The following AMBRA1 variants were observed in gnomAD, a reference collection of about 807,000 sequenced individuals.
AMBRA1 encodes the protein autophagy and beclin 1 regulator 1, also known as activating molecule in BECN1-regulated autophagy protein 1.
AMBRA1 carries 47 observed loss-of-function variants against 125.4 expected under a neutral mutation model. That is an observed-to-expected ratio of 0.37 (90% CI 0.30 to 0.48). The LOEUF (loss-of-function observed/expected upper bound fraction) is 0.48. Ranked by LOEUF, AMBRA1 falls within the 20% of genes least tolerant of loss-of-function variation. AMBRA1 has a pLI of 0.99. For synonymous variants in AMBRA1, 626 were observed against 655.5 expected, an observed-to-expected ratio of 0.95 and a Z score of 0.69; for missense variants, 1,331 against 1,693.4, an observed-to-expected ratio of 0.79 and a Z score of 3.76.
chr11:46,583,677 A>AAAAAAAAAAC (rs1565324615), intron 1 of AMBRA1, among the ~76,000 whole-genome samples: 16 of 143,902 alleles, frequency 1.1e-4, no homozygotes, highest in African/African-American at 4.3e-4. Context: ...AAAAAAAAAA[A>AAAAAAAAAAC]AACAACAAAA....
intron 1 of AMBRA1, among the ~76,000 whole-genome samples, chr11:46,590,081 A>G (rs2044538883): frequency 6.6e-6 from 1 of 152,010 alleles, no homozygotes; most frequent in South Asian, 2.1e-4. Context: ...TATACAGTAT[A>G]AAAATGTATG....
At chr11:46,508,051 C>T in intron 9 of AMBRA1, 140 bp downstream of exon 9, 1 of 907,020 alleles carries the variant, frequency 1.1e-6, no homozygotes. Flanking sequence ...CTCTGTCCCT[C>T]ACCCCATCCT....
intron 7 of AMBRA1, among the ~76,000 whole-genome samples, chr11:46,514,240 C>T (rs373041461): frequency 2.6e-5 from 4 of 152,164 alleles, no homozygotes; most frequent in Admixed American, 6.5e-5. Context: ...TAGTCCTGTG[C>T]GGTCACTTTA....
rs1947564079 is a variant in AMBRA1, at chr11:46,433,743, G to C, written c.2822-115C>G. The C allele has an allele frequency of 5.4e-6, 6 of 1,114,830 alleles. No individual in the cohort carries two copies. The East Asian group carries it at 1.5e-4, about 29-fold the overall frequency. 69.1% of individuals were successfully genotyped at this position (1,114,830 alleles called of 1,614,324 possible). On this transcript the variant is annotated intron_variant, in intron 13 of 17. Transcript: ENST00000683756. ...ATCTTCATATTCACTTGCTCATCCT[G>C]GTGTTATCTCATAGGACTGTAGTGA...
chr11:46,486,908 CATAAATAAATAAATAAATAAATAA>C (rs56834227), intron 11 of AMBRA1, among the ~76,000 whole-genome samples: 3 of 139,252 alleles, frequency 2.2e-5, no homozygotes, highest in South Asian at 2.3e-4. Flanking sequence ...TCCATCTCAA[CATAAATAAATAAATAAATAAATAA>C]ATAAATAAAT....
chr11:46,575,539 CAG>C (rs1241406342), intron 1 of AMBRA1, among the ~76,000 whole-genome samples: 2 of 105,066 alleles, frequency 1.9e-5, no homozygotes, highest in East Asian at 5.9e-4. Context: ...TTTTTTGAGA[CAG>C]AGTCTCACTC....
At chr11:46,465,237 TCATG>T (rs1240280654) in intron 11 of AMBRA1, among the ~76,000 whole-genome samples, 1 of 152,062 alleles carries the variant, frequency 6.6e-6, no homozygotes, top group Non-Finnish European at 1.5e-5. Context: ...CAATAAAGGC[TCATG>T]CTCCTCCCTG....
At chr11:46,586,899 T>G (rs2044422691) in intron 1 of AMBRA1, among the ~76,000 whole-genome samples, 1 of 152,134 alleles carries the variant, frequency 6.6e-6, no homozygotes, top group Non-Finnish European at 1.5e-5. Context: ...CTGTTTTCAG[T>G]GGTCGCCTAG....
At chr11:46,535,111 AAAG>A (rs1952404790) in intron 7 of AMBRA1, among the ~76,000 whole-genome samples, 2 of 152,226 alleles carry the variant, frequency 1.3e-5, no homozygotes, top group Admixed American at 6.5e-5. Flanking sequence ...CTCTTCCTAG[AAAG>A]AACACGTCAT....
At chr11:46,587,117 C>T (rs1415919475) in intron 1 of AMBRA1, among the ~76,000 whole-genome samples, 9 of 152,110 alleles carry the variant, frequency 5.9e-5, no homozygotes, top group African/African-American at 1.4e-4. Flanking sequence ...CAGTGGCTCC[C>T]GCCTATAATC....
At chr11:46,513,529 G>T (rs1452648832) in intron 7 of AMBRA1, among the ~76,000 whole-genome samples, 1 of 152,102 alleles carries the variant, frequency 6.6e-6, no homozygotes, top group Non-Finnish European at 1.5e-5. Context: ...AGAAAGGTAG[G>T]TATGACTACA....
chr11:46,424,162 C>A (rs557648136), intron 14 of AMBRA1, among the ~76,000 whole-genome samples: 1 of 152,176 alleles, frequency 6.6e-6, no homozygotes, highest in East Asian at 1.9e-4. Context: ...AACTCTCCCC[C>A]TTTGAAGCAG....
At chr11:46,426,858 T>C (rs1947160771) in intron 14 of AMBRA1, among the ~76,000 whole-genome samples, 1 of 152,214 alleles carries the variant, frequency 6.6e-6, no homozygotes, top group South Asian at 2.1e-4. Flanking sequence ...AAGCCATCTG[T>C]CTTTTATCCC....
In AMBRA1 at chr11:46,498,250, A is replaced by G. The variant is rs1436252694; in HGVS notation, c.2340-4046T>C. Reference sequence around the variant, plus strand: ...CACCCTTTCCAAGGGTAATGACTTAAAAGTGTGAAGAACAGAGTACACAAA... The same window carrying G: ...CACCCTTTCCAAGGGTAATGACTTAGAAGTGTGAAGAACAGAGTACACAAA... On this transcript the variant is annotated intron_variant, in intron 9 of 17. Coordinates refer to ENST00000683756, the MANE Select transcript of AMBRA1 (RefSeq NM_001387011.1). Among the ~76,000 whole-genome samples the G allele has an allele frequency of 4.6e-5, 7 of 152,248 alleles. No homozygotes were observed. In the East Asian group the frequency reaches 9.6e-4, roughly 21 times the overall value.
intron 15 of AMBRA1, among the ~76,000 whole-genome samples, chr11:46,412,263 G>A (rs1214806215): frequency 6.6e-6 from 1 of 152,110 alleles, no homozygotes; most frequent in Non-Finnish European, 1.5e-5. Context: ...TAGATTACTT[G>A]CACTAATACA....
chr11:46,440,926 T>C (rs910339987), intron 12 of AMBRA1, among the ~76,000 whole-genome samples: 1 of 152,138 alleles, frequency 6.6e-6, no homozygotes, highest in Non-Finnish European at 1.5e-5. Flanking sequence ...AAAAATGTCG[T>C]CCTCAGATAT....
intron 1 of AMBRA1, among the ~76,000 whole-genome samples, chr11:46,579,045 T>TAAACA (rs2044076365): frequency 1.5e-5 from 1 of 68,040 alleles, no homozygotes; most frequent in South Asian, 4.8e-4. Flanking sequence ...AAGAAAGCAA[T>TAAACA]AAAAAAAAAA....
intron 11 of AMBRA1, among the ~76,000 whole-genome samples, chr11:46,458,353 C>T (rs1948942483): frequency 6.6e-6 from 1 of 152,178 alleles, no homozygotes; most frequent in African/African-American, 2.4e-5. Flanking sequence ...CTCCCAGAAG[C>T]TTTCCTGAAT....
intron 14 of AMBRA1, among the ~76,000 whole-genome samples, chr11:46,418,311 TTATTATTTATATATAAATA>T (rs1393314456): frequency 3.2e-3 from 2 of 628 alleles, no homozygotes; most frequent in Non-Finnish European, 7.6e-3. Flanking sequence ...AATATATATT[TTATTATTTATATATAAATA>T]TGTATTTTAT....
Sources: gnomAD v4.1 joint callset for allele counts (sites outside exome capture counted in the v4.1 genomes callset) on GRCh38, gnomAD v4.1.1 for gene constraint, MANE v1.5 for transcripts, NCBI Gene and HGNC (gene_info 2026-07-23, HGNC 2026-07-21) for gene names.